Variants in DLG2 observed in about 807,000 individuals in gnomAD.
The protein encoded by DLG2 is discs large MAGUK scaffold protein 2, also known as disks large homolog 2.
DLG2 carries 45 observed loss-of-function variants against 132.5 expected under a neutral mutation model. The observed-to-expected ratio is 0.34, with a 90% confidence interval of 0.27 to 0.44. The LOEUF is 0.44. Ranked by LOEUF, DLG2 falls within the 20% of genes least tolerant of loss-of-function variation. The pLI, the probability that DLG2 is intolerant of heterozygous loss-of-function variation, is 1.00. For missense variants in DLG2, 1,045 were observed against 1,196.9 expected (o/e 0.87, Z 1.87); for synonymous variants, 424 against 419.6 (o/e 1.01, Z -0.13).
At chr11:84,517,536 A>T (rs751380463) in intron 7 of DLG2, among the ~76,000 whole-genome samples, 10 of 152,030 alleles carry the variant, frequency 6.6e-5, no homozygotes, top group Non-Finnish European at 1.2e-4. Context: ...GCACTTACAC[A>T]CTGTTGATGG....
intron 7 of DLG2, among the ~76,000 whole-genome samples, chr11:84,429,619 T>C: frequency 6.6e-6 from 1 of 152,200 alleles, no homozygotes; most frequent in Non-Finnish European, 1.5e-5. Flanking sequence ...CTACCTCAGA[T>C]ATAAGCAAAT....
At chr11:85,579,723 G>A (rs1009021908) in intron 3 of DLG2, among the ~76,000 whole-genome samples, 4 of 152,052 alleles carry the variant, frequency 2.6e-5, no homozygotes, top group Non-Finnish European at 4.4e-5. Flanking sequence ...GTCTCACTCT[G>A]TTGCCCAGGC....
intron 25 of DLG2, 68 bp from the exon 26 acceptor site, chr11:83,466,885 C>T: frequency 1.9e-6 from 2 of 1,077,190 alleles, no homozygotes; most frequent in South Asian, 1.3e-5. Context: ...CAAAAGGAAA[C>T]TAATGTATGT....
intron 6 of DLG2, among the ~76,000 whole-genome samples, chr11:84,813,766 T>C (rs983145716): frequency 2.6e-5 from 4 of 152,052 alleles, no homozygotes; most frequent in Non-Finnish European, 5.9e-5. Context: ...ATTTAAACGA[T>C]GTGAAGACAC....
chr11:85,296,197 G>A (rs1340987471), intron 3 of DLG2, among the ~76,000 whole-genome samples: 1 of 152,140 alleles, frequency 6.6e-6, no homozygotes, highest in East Asian at 1.9e-4. Context: ...AATCTTTGCT[G>A]TCAGGCACAT....
At chr11:84,605,236 G>A (rs1165787157) in intron 6 of DLG2, among the ~76,000 whole-genome samples, 1 of 151,852 alleles carries the variant, frequency 6.6e-6, no homozygotes, top group Admixed American at 6.6e-5. Context: ...AGATTGTTAT[G>A]TATGATCATT....
At chr11:83,633,584 G>T (rs184971092) in intron 18 of DLG2, among the ~76,000 whole-genome samples, 1 of 152,034 alleles carries the variant, frequency 6.6e-6, no homozygotes, top group African/African-American at 2.4e-5. Context: ...AGTCCATGGG[G>T]GCTGGGAGAG....
intron 18 of DLG2, among the ~76,000 whole-genome samples, chr11:83,723,871 A>G (rs193132132): frequency 2.0e-5 from 3 of 152,304 alleles, no homozygotes; most frequent in Admixed American, 1.3e-4. Flanking sequence ...AAATAAATAC[A>G]TAAGTAAAAA....
chr11:84,586,400 G>A (rs76656619), intron 6 of DLG2, among the ~76,000 whole-genome samples: 4 of 152,074 alleles, frequency 2.6e-5, no homozygotes, highest in East Asian at 1.9e-4. Flanking sequence ...ATTTTATTTA[G>A]CATTTGCCTA....
chr11:84,092,689 C>T (rs928166662), intron 10 of DLG2, among the ~76,000 whole-genome samples: 1 of 152,104 alleles, frequency 6.6e-6, no homozygotes, highest in Non-Finnish European at 1.5e-5. Flanking sequence ...ATTTCGCACA[C>T]ACAGGAAGGT....
At chr11:83,847,838 G>A (rs1461853902) in intron 16 of DLG2, among the ~76,000 whole-genome samples, 1 of 152,112 alleles carries the variant, frequency 6.6e-6, no homozygotes, top group East Asian at 1.9e-4. Context: ...TCTATTGTTA[G>A]GTCCTCTCCA....
intron 7 of DLG2, among the ~76,000 whole-genome samples, chr11:84,525,346 C>A (rs1367222297): frequency 3.9e-5 from 6 of 152,184 alleles, no homozygotes; most frequent in Non-Finnish European, 8.8e-5. Context: ...AAAATCTGCT[C>A]TTCCTCTGGC....
At chr11:83,974,028 G>T (rs1272478516) in intron 12 of DLG2, among the ~76,000 whole-genome samples, 2 of 152,084 alleles carry the variant, frequency 1.3e-5, no homozygotes, top group Non-Finnish European at 2.9e-5. Context: ...ACCTCTCAAA[G>T]ATGGGGGTTA....
At chr11:84,850,583 C>T (rs1218249295) in intron 6 of DLG2, among the ~76,000 whole-genome samples, 3 of 152,012 alleles carry the variant, frequency 2.0e-5, no homozygotes, top group Admixed American at 6.6e-5. Flanking sequence ...AAATAAAAAG[C>T]ATCTGGATTG....
chr11:83,867,971 A>G (rs1286716102), intron 16 of DLG2, among the ~76,000 whole-genome samples: 1 of 152,202 alleles, frequency 6.6e-6, no homozygotes, highest in Non-Finnish European at 1.5e-5. Flanking sequence ...GGAAAAAAAA[A>G]TCTGTTCACC....
At chr11:84,363,276 T>C (rs1404489667) in intron 7 of DLG2, among the ~76,000 whole-genome samples, 2 of 152,064 alleles carry the variant, frequency 1.3e-5, no homozygotes, top group Admixed American at 6.6e-5. Flanking sequence ...GTGAGGATTT[T>C]TTCATGTGTT....
chr11:83,764,166 T>C (rs2094036402), intron 18 of DLG2, among the ~76,000 whole-genome samples: 1 of 152,128 alleles, frequency 6.6e-6, no homozygotes, highest in African/African-American at 2.4e-5. Flanking sequence ...TACTATCGCA[T>C]GGCTGGAATC....
intron 4 of DLG2, among the ~76,000 whole-genome samples, chr11:85,171,566 C>T (rs987902836): frequency 3.3e-5 from 5 of 152,140 alleles, no homozygotes; most frequent in African/African-American, 4.8e-5. Context: ...GATCCATCCA[C>T]GCATTACGCT....
intron 3 of DLG2, among the ~76,000 whole-genome samples, chr11:85,316,187 C>G (rs1325224135): frequency 1.3e-5 from 2 of 151,914 alleles, no homozygotes; most frequent in Admixed American, 6.6e-5. Flanking sequence ...TAAACTACTA[C>G]TATTTAACAG....
Sources: allele counts gnomAD v4.1 joint callset (sites outside exome capture counted in the v4.1 genomes callset), GRCh38; gene constraint gnomAD v4.1.1; transcripts MANE v1.5; gene names NCBI Gene and HGNC (gene_info 2026-07-23, HGNC 2026-07-21).